The following CD9 variants were observed in gnomAD, a reference collection of about 807,000 sequenced individuals.
CD9 encodes the protein CD9 molecule.
Under a neutral mutation model 31.4 loss-of-function variants are expected in CD9, and 10 were observed. That is an observed-to-expected ratio of 0.32 (90% CI 0.20 to 0.54). The LOEUF (loss-of-function observed/expected upper bound fraction) is 0.54, where lower values mean the gene tolerates loss of function less well. Ranked by LOEUF, CD9 falls within the 20% of genes least tolerant of loss-of-function variation. CD9 has a pLI of 0.94. For synonymous variants in CD9, 113 were observed against 114.1 expected (o/e 0.99, Z 0.06); for missense variants, 259 against 300.1 (o/e 0.86, Z 1.01).
At chr12:6,214,344 C>CTTTTTTTTTTTTTTTTTTTT (rs71450123) in intron 1 of CD9, among the ~76,000 whole-genome samples, 1 of 67,074 alleles carries the variant, frequency 1.5e-5, no homozygotes, top group Non-Finnish European at 2.6e-5. Context: ...CCATTAGCCT[C>CTTTTTTTTTTTTTTTTTTTT]TTTTTTTTTT....
chr12:6,205,050 G>C (rs1199641905), intron 1 of CD9, among the ~76,000 whole-genome samples: 1 of 152,208 alleles, frequency 6.6e-6, no homozygotes, highest in Non-Finnish European at 1.5e-5. Flanking sequence ...GGACAAGTTG[G>C]GTGGCAGTGG....
chr12:6,209,885 A>G (rs1369634830), intron 1 of CD9, among the ~76,000 whole-genome samples: 2 of 152,076 alleles, frequency 1.3e-5, no homozygotes, highest in African/African-American at 2.4e-5. Flanking sequence ...GGGTTTTGCC[A>G]CGTTGACCAG....
chr12:6,216,682 G>A (rs1215025810), intron 1 of CD9, among the ~76,000 whole-genome samples: 1 of 152,114 alleles, frequency 6.6e-6, no homozygotes, highest in Non-Finnish European at 1.5e-5. Flanking sequence ...ATGGCAGTTT[G>A]CAGGTGTGAA....
chr12:6,230,676 C>T (rs1946432279), intron 2 of CD9, among the ~76,000 whole-genome samples: 1 of 152,232 alleles, frequency 6.6e-6, no homozygotes, highest in South Asian at 2.1e-4. Context: ...GGAGGCTGCC[C>T]TCTTACCCAG....
Position 6,235,298 on chromosome 12 carries a change from C to T in CD9, c.418C>T (p.Arg140Trp), listed in dbSNP as rs370435329. ...GCTGAAAACCAAGGATGAGCCCCAG[C>T]GGGAAACGCTGAAAGCCATCCACTA... is the stretch of plus-strand genomic sequence containing the variant. Reference protein sequence around the residue: ...NKLKTKDEPQRETLKAIHYAL... With the variant: ...NKLKTKDEPQWETLKAIHYAL... The change falls in exon 5 of 8, where the codon CGG (arginine) becomes TGG (tryptophan). Residue 140 changes from arginine to tryptophan, a missense_variant. Coordinates refer to ENST00000009180, the MANE Select transcript of CD9 (RefSeq NM_001769.4). The T allele has an allele frequency of 8.7e-6, 14 of 1,613,974 alleles. No individual in the cohort carries two copies. Among genetic ancestry groups the T allele is most frequent in the Admixed American group, 1.7e-5 (1 of 60,012 alleles).
chr12:6,209,973 C>G (rs1160728549), intron 1 of CD9, among the ~76,000 whole-genome samples: 1 of 152,210 alleles, frequency 6.6e-6, no homozygotes, highest in Non-Finnish European at 1.5e-5. Flanking sequence ...GCGTGAGTCA[C>G]CGCGCCCAGC....
intron 1 of CD9, 82 bp downstream of exon 1, chr12:6,200,647 C>G: frequency 2.2e-6 from 2 of 928,528 alleles, no homozygotes; most frequent in South Asian, 1.4e-5. Context: ...CCGCGAGTGC[C>G]GGCAGCTGGC....
intron 2 of CD9, among the ~76,000 whole-genome samples, chr12:6,226,826 G>A (rs1028428574): frequency 2.6e-5 from 4 of 152,168 alleles, no homozygotes; most frequent in Non-Finnish European, 4.4e-5. Context: ...CCATTTTTTG[G>A]GAGTCTGTGA....
Position 6,233,885 on chromosome 12 carries a change from G to A in CD9, c.348+399G>A, listed in dbSNP as rs1351892612. On this transcript the variant is annotated intron_variant, in intron 4 of 7. Transcript: ENST00000009180. Reference sequence around the variant, plus strand: ...TCTATAAATAACATGTTCAAGTGCTGCCCCCATGAGCCAAGTGCTGCCCCC... The same window carrying A: ...TCTATAAATAACATGTTCAAGTGCTACCCCCATGAGCCAAGTGCTGCCCCC... Among the ~76,000 whole-genome samples, 3 of 150,578 alleles carry A rather than the reference G, an allele frequency of 2.0e-5. No individual in the cohort carries two copies. The East Asian group carries it at 5.8e-4, about 29-fold the overall frequency.
At chr12:6,209,732 T>C (rs2136605212) in intron 1 of CD9, among the ~76,000 whole-genome samples, 1 of 150,496 alleles carries the variant, frequency 6.6e-6, no homozygotes, top group South Asian at 2.1e-4. Context: ...TTGCCCAGGC[T>C]GGAGTGTAGT....
intron 1 of CD9, among the ~76,000 whole-genome samples, chr12:6,209,872 A>T (rs1946174710): frequency 6.6e-6 from 1 of 151,930 alleles, no homozygotes; most frequent in Non-Finnish European, 1.5e-5. Context: ...TTTAGTAGAG[A>T]TGGGGTTTTG....
chr12:6,236,691 A>G (rs1946527784), intron 7 of CD9: 2 of 401,212 alleles, frequency 5.0e-6, no homozygotes, highest in African/African-American at 2.0e-5. Context: ...AGCCAGAAGG[A>G]GGTCTCTCGC....
rs528913178 is a variant in CD9, at chr12:6,209,045, T to TG, written c.66+8481dup. Reference sequence around the variant, plus strand: ...GTGCAGTGGCGCAATCTTGGCATACTGCAACCTCTGCCTCCCAGGTTCAAG... The same window carrying TG: ...GTGCAGTGGCGCAATCTTGGCATACTGGCAACCTCTGCCTCCCAGGTTCAAG... On this transcript the variant is annotated intron_variant, in intron 1 of 7. Transcript: ENST00000009180. Among the ~76,000 whole-genome samples, 329 of 151,858 alleles carry TG rather than the reference T, an allele frequency of 2.2e-3. 2 individuals are homozygous for TG. The highest frequency in any genetic ancestry group is 7.2e-3 in the African/African-American group (298 of 41,388).
In CD9 at chr12:6,214,524, T is replaced by C. The variant is rs538674563; in HGVS notation, c.67-10902T>C. On this transcript the variant is annotated intron_variant, in intron 1 of 7. Coordinates refer to ENST00000009180, the MANE Select transcript of CD9 (RefSeq NM_001769.4). The stretch of plus-strand genomic sequence containing the variant: ...ACCATTCCCAGCTAAGTTTTTGTAT[T>C]TTTTAGTAGAGACTGGGTTTTACCA... Among the ~76,000 whole-genome samples the C allele has an allele frequency of 1.4e-4, 22 of 151,928 alleles. No homozygotes were observed. The East Asian group carries it at 3.7e-3, about 25-fold the overall frequency.
intron 2 of CD9, 67 bp downstream of exon 2, chr12:6,225,601 GC>G: frequency 9.9e-7 from 1 of 1,005,266 alleles, no homozygotes; most frequent in Non-Finnish European, 1.6e-6. Flanking sequence ...AACTTTGGAG[GC>G]CCCATGTTGA....
chr12:6,215,425 G>C (rs1030825993), intron 1 of CD9, among the ~76,000 whole-genome samples: 2 of 152,176 alleles, frequency 1.3e-5, no homozygotes, highest in Non-Finnish European at 2.9e-5. Flanking sequence ...ACAGAGTGCC[G>C]GCCCAGTCCC....
chr12:6,219,679 G>T (rs1478733813), intron 1 of CD9, among the ~76,000 whole-genome samples: 2 of 151,808 alleles, frequency 1.3e-5, no homozygotes, highest in African/African-American at 2.4e-5. Context: ...TAGAGACAGG[G>T]TTTCATCATG....
intron 2 of CD9, among the ~76,000 whole-genome samples, chr12:6,230,661 C>T: frequency 6.6e-6 from 1 of 152,216 alleles, no homozygotes; most frequent in East Asian, 1.9e-4. Context: ...TGTGAGAGAA[C>T]CAAAGGAGGC....
intron 1 of CD9, among the ~76,000 whole-genome samples, chr12:6,213,550 A>G (rs1213476424): frequency 1.3e-5 from 2 of 152,218 alleles, no homozygotes; most frequent in African/African-American, 4.8e-5. Context: ...TGTCCACACC[A>G]AGAAGGGTGG....
Sources: gnomAD v4.1 joint callset for allele counts (sites outside exome capture counted in the v4.1 genomes callset) on GRCh38, gnomAD v4.1.1 for gene constraint, MANE v1.5 for transcripts, NCBI Gene and HGNC (gene_info 2026-07-23, HGNC 2026-07-21) for gene names.